NPRL3: variants seen among roughly 807,000 people sequenced by gnomAD.
NPRL3 encodes the protein GATOR1 complex protein NPRL3.
In NPRL3, 23 loss-of-function variants were observed where a neutral mutation model predicts 57.2. The ratio of observed to expected loss-of-function variants is 0.40; its 90% CI spans 0.29 to 0.57. The LOEUF is 0.57. Ranked by LOEUF, NPRL3 falls within the 20% of genes least tolerant of loss-of-function variation. NPRL3 has a pLI of 0.42. For missense variants in NPRL3, 691 were observed against 767.1 expected (o/e 0.90, Z 1.17); for synonymous variants, 333 against 321.1 (o/e 1.04, Z -0.39).
At position 98,230 on chromosome 16, in the gene NPRL3, G is replaced by C; in HGVS notation, c.839C>G (p.Pro280Arg). 2.5e-6 allele frequency: 4 copies of C among 1,614,002 alleles called. No individual in the cohort carries two copies. Among genetic ancestry groups the C allele is most frequent in the Non-Finnish European group, 3.4e-6 (4 of 1,179,882 alleles). ...GGTCTTGATCACCCGCACTAGGGCA[G>C]GGGAGCAGTCAATAGGAAGCTCACC... ...LLGELPIDCS[P>R]ALVRVIKTTS... Residue 280 changes from proline to arginine, a missense_variant, in exon 9 of 14, where the codon CCT becomes CGT. Transcript: ENST00000611875.
At chr16:136,300 G>C (rs1186977278) in intron 2 of NPRL3, among the ~76,000 whole-genome samples, 1 of 152,264 alleles carries the variant, frequency 6.6e-6, no homozygotes, top group East Asian at 1.9e-4. Flanking sequence ...GTGCTCGACA[G>C]GTTCTGATCT....
chr16:130,174 TA>T (rs1238205517), intron 3 of NPRL3, among the ~76,000 whole-genome samples: 9 of 152,234 alleles, frequency 5.9e-5, no homozygotes, highest in African/African-American at 2.2e-4. Context: ...GACCTCTGGG[TA>T]CATGCTCAAG....
At chr16:120,614 G>A (rs749281726) in intron 3 of NPRL3, among the ~76,000 whole-genome samples, 27 of 152,212 alleles carry the variant, frequency 1.8e-4, no homozygotes, top group Non-Finnish European at 3.7e-4. Flanking sequence ...CACATACGAG[G>A]GTTTGGTCAA....
intron 8 of NPRL3, among the ~76,000 whole-genome samples, chr16:99,568 G>A (rs1476691913): frequency 2.7e-5 from 4 of 150,596 alleles, no homozygotes; most frequent in East Asian, 3.9e-4. Context: ...GCTTGAACCC[G>A]GGAGACAGAG....
At chr16:112,260 A>G (rs984899528) in intron 6 of NPRL3, among the ~76,000 whole-genome samples, 2 of 152,346 alleles carry the variant, frequency 1.3e-5, no homozygotes, top group African/African-American at 4.8e-5. Context: ...ATTTCAACAC[A>G]TCCAGCCAGG....
intron 3 of NPRL3, among the ~76,000 whole-genome samples, chr16:126,623 T>C (rs903693403): frequency 2.0e-5 from 3 of 152,010 alleles, no homozygotes; most frequent in Non-Finnish European, 2.9e-5. Context: ...CACACCAGCC[T>C]TTCTGAGGGA....
At chr16:113,522 C>A (rs562407609) in intron 5 of NPRL3, among the ~76,000 whole-genome samples, 2 of 152,328 alleles carry the variant, frequency 1.3e-5, no homozygotes, top group Admixed American at 6.5e-5. Context: ...TCAGGGACCA[C>A]AGTCAGCCAG....
At chr16:119,368 T>C (rs1182232785) in intron 3 of NPRL3, 113 bp from the exon 4 acceptor site, 13 of 1,066,060 alleles carry the variant, frequency 1.2e-5, no homozygotes, top group Non-Finnish European at 1.6e-5. Flanking sequence ...ATGGAGTTGC[T>C]CTGCCCCGAC....
chr16:128,007 T>TTTTGAGACAGAC (rs1567147061), intron 3 of NPRL3, among the ~76,000 whole-genome samples: 1 of 151,432 alleles, frequency 6.6e-6, no homozygotes, highest in Non-Finnish European at 1.5e-5. Context: ...TTTTTTTTTT[T>TTTTGAGACAGAC]TTGAGACAGA....
intron 8 of NPRL3, among the ~76,000 whole-genome samples, chr16:99,837 G>A (rs1052258562): frequency 6.6e-6 from 1 of 151,312 alleles, no homozygotes; most frequent in African/African-American, 2.4e-5. Flanking sequence ...GGAGCCTGAG[G>A]CAGGAGAATC....
intron 9 of NPRL3, among the ~76,000 whole-genome samples, chr16:97,776 T>G (rs1899084248): frequency 6.6e-6 from 1 of 152,146 alleles, no homozygotes. Context: ...AGTTCCCGTA[T>G]GTTGTTCATG....
chr16:119,017 AAGCCACACCTGCCCAAGGAG>A (rs759940052), intron 4 of NPRL3, 89 bp downstream of exon 4: 38,780 of 1,382,110 alleles, frequency 0.028, 2,266 homozygotes, highest in African/African-American at 0.17. Flanking sequence ...TGCCCAGGGG[AAGCCACACCTGCCCAAGGAG>A]AGCCACACCT....
In NPRL3 at chr16:86,592, A is replaced by G. The variant is rs980073781; in HGVS notation, c.*113T>C. 11 of 1,124,152 alleles carry G rather than the reference A, an allele frequency of 9.8e-6. No homozygotes were observed. Among genetic ancestry groups the G allele is most frequent in the Admixed American group, 5.2e-5 (2 of 38,534 alleles). The allele number at this position is 1,124,152 out of a possible 1,614,324, so 69.6% of individuals were successfully genotyped here. Reference sequence around the variant, plus strand: ...GCCACGGCCAGCCCGCATCCACCCAATGCCAGGCCTCAGGGCCAAGAGGGC... The same window carrying G: ...GCCACGGCCAGCCCGCATCCACCCAGTGCCAGGCCTCAGGGCCAAGAGGGC... On this transcript the variant is annotated 3_prime_UTR_variant, in exon 14 of 14. Transcript: ENST00000611875.
chr16:137,710 C>A (rs1901172282), intron 2 of NPRL3, among the ~76,000 whole-genome samples: 1 of 151,934 alleles, frequency 6.6e-6, no homozygotes, highest in Non-Finnish European at 1.5e-5. Flanking sequence ...CCACCACGCT[C>A]GGCTAATTTG....
intron 12 of NPRL3, 64 bp downstream of exon 12, chr16:89,649 G>A (rs1296037379): frequency 2.1e-6 from 3 of 1,401,790 alleles, no homozygotes; most frequent in Admixed American, 3.0e-5. Flanking sequence ...CCCACGTTGA[G>A]CCTCCTGGAT....
chr16:94,819 AC>A (rs34434914), intron 9 of NPRL3, among the ~76,000 whole-genome samples: 4 of 151,502 alleles, frequency 2.6e-5, no homozygotes, highest in Non-Finnish European at 4.4e-5. Flanking sequence ...TCAAAAAGAC[AC>A]CCCCACTTTC....
chr16:86,310 C>G lies in NPRL3; in HGVS notation c.*395G>C, dbSNP rs1898466560. The G allele has an allele frequency of 4.9e-6, 1 of 205,830 alleles. No homozygotes were observed. The highest frequency in any genetic ancestry group is 9.9e-6 in the Non-Finnish European group (1 of 100,940). 12.8% of individuals were successfully genotyped at this position (205,830 alleles called of 1,614,324 possible). ...GGCCACACAAGTGTTTCTGCACATT[C>G]TTCAGGGTGGCCACAGACTGGGGGG... On this transcript the variant is annotated 3_prime_UTR_variant, in exon 14 of 14. Coordinates refer to ENST00000611875, the MANE Select transcript of NPRL3 (RefSeq NM_001077350.3).
chr16:86,869 GC>G lies in NPRL3; in HGVS notation c.1545del (p.Arg515SerfsTer39). On this transcript the variant is annotated frameshift_variant and splice_region_variant, in exon 14 of 14. Coordinates refer to ENST00000611875, the MANE Select transcript of NPRL3 (RefSeq NM_001077350.3). LOFTEE classifies it high-confidence loss of function. ...QNPEDLRMFA[R>X]LLHYFRGRHH... ...TGGCGGCCGCGGAAGTAGTGAAGGA[GC>G]CTGGAAGGGATGGGTGGGTGTGAGC... 1 of 1,612,472 alleles carries G rather than the reference GC, an allele frequency of 6.2e-7. No individual in the cohort carries two copies. Among genetic ancestry groups the G allele is most frequent in the Non-Finnish European group, 8.5e-7 (1 of 1,179,326 alleles).
At chr16:93,114 C>T (rs1327676329) in intron 10 of NPRL3, 105 bp downstream of exon 10, 9 of 787,528 alleles carry the variant, frequency 1.1e-5, no homozygotes, top group Non-Finnish European at 1.7e-5. Context: ...GGGGCTTCCA[C>T]AGCCTTTGGT....
Sources: gnomAD v4.1 joint callset for allele counts (sites outside exome capture counted in the v4.1 genomes callset) on GRCh38, gnomAD v4.1.1 for gene constraint, MANE v1.5 for transcripts, NCBI Gene and HGNC (gene_info 2026-07-23, HGNC 2026-07-21) for gene names.